TFR2: variants seen among roughly 807,000 people sequenced by gnomAD.
TFR2 encodes transferrin receptor protein 2.
A neutral mutation model predicts 91.9 loss-of-function variants in TFR2; 64 were observed. The observed-to-expected ratio is 0.70, with a 90% CI of 0.57 to 0.86. The LOEUF is 0.86. Ranked by LOEUF, TFR2 falls within the 40% of genes least tolerant of loss-of-function variation. TFR2 has a pLI of 0.00. For missense variants in TFR2, 950 were observed against 1,080.5 expected, an observed-to-expected ratio of 0.88 and a Z score of 1.69; for synonymous variants, 454 against 459.6, an observed-to-expected ratio of 0.99 and a Z score of 0.15.
intron 3 of TFR2, 63 bp downstream of exon 3, chr7:100,640,623 G>T: frequency 6.4e-7 from 1 of 1,574,288 alleles, no homozygotes; most frequent in Non-Finnish European, 8.6e-7. Flanking sequence ...AGGCAGGGAG[G>T]CCCAGTCTGA....
In TFR2 at chr7:100,621,138, G is replaced by C. The variant is rs571430574; in HGVS notation, c.2137-12C>G. 5 of 1,503,846 alleles carry C rather than the reference G, an allele frequency of 3.3e-6. No homozygotes were observed. In the South Asian group the frequency reaches 5.2e-5, roughly 16 times the overall value. 93.2% of individuals were successfully genotyped at this position (1,503,846 alleles called of 1,614,324 possible). On this transcript the variant is annotated splice_polypyrimidine_tract_variant and intron_variant, in intron 17 of 17. Coordinates refer to ENST00000223051, the MANE Select transcript of TFR2 (RefSeq NM_003227.4). ...AAGTAGAACTCCACCTGCGCAGAGA[G>C]GGGGATCAGGTCAGGGTTGGGGGCT... is the stretch of plus-strand genomic sequence containing the variant.
chr7:100,634,546 A>G (rs889556128), intron 3 of TFR2, among the ~76,000 whole-genome samples: 3 of 152,146 alleles, frequency 2.0e-5, no homozygotes, highest in African/African-American at 4.8e-5. Flanking sequence ...CCCGCCCCAT[A>G]TGTGTATTTA....
intron 17 of TFR2, among the ~76,000 whole-genome samples, chr7:100,623,332 T>G (rs1245651085): frequency 2.0e-5 from 3 of 152,184 alleles, no homozygotes; most frequent in Non-Finnish European, 4.4e-5. Context: ...CTAAGACAAC[T>G]ATTATTATTA....
chr7:100,627,520 G>C, intron 15 of TFR2, 29 bp from the exon 16 acceptor site: 2 of 1,613,844 alleles, frequency 1.2e-6, no homozygotes, highest in Non-Finnish European at 1.7e-6. Context: ...CGCTGGGGCG[G>C]AGGCAGACAG....
chr7:100,641,497 A>G lies in TFR2; in HGVS notation c.13T>C (p.Trp5Arg). MERL[W>R]GLFQRAQQLS... ...CTTACCGCTCTCTGGAATAGACCCCAAAGCCGCTCCATGCTTGTGTCCCCT... is the reference window on the plus strand; with the variant it reads ...CTTACCGCTCTCTGGAATAGACCCCGAAGCCGCTCCATGCTTGTGTCCCCT... Residue 5 changes from tryptophan (W) to arginine (R), a missense_variant, in exon 1 of 18, where the codon TGG becomes CGG. Physicochemically the swap from Trp to Arg is moderately radical, Grantham distance 101. Coordinates refer to ENST00000223051, the MANE Select transcript of TFR2 (RefSeq NM_003227.4). The G allele has an allele frequency of 6.2e-7, 1 of 1,613,880 alleles. No individual in the cohort carries two copies. Among genetic ancestry groups the G allele is most frequent in the Non-Finnish European group, 8.5e-7 (1 of 1,179,902 alleles).
Position 100,631,434 on chromosome 7 carries a change from C to G in TFR2, c.1106+372G>C. 3 of 235,862 alleles carry G rather than the reference C, an allele frequency of 1.3e-5. No homozygotes were observed. The South Asian group carries it at 1.4e-4, about 11-fold the overall frequency. The allele number at this position is 235,862 out of a possible 1,614,324, so 14.6% of individuals were successfully genotyped here. A position where few individuals can be genotyped will look rare whatever the true frequency, so the allele number is the denominator to read the frequency against. Reference sequence around the variant, plus strand: ...ACTAGGTCAGGAGTTCGAGACCAGTCTGGCCAACATGGTGAAACCCTCTAC... The same window carrying G: ...ACTAGGTCAGGAGTTCGAGACCAGTGTGGCCAACATGGTGAAACCCTCTAC... On this transcript the variant is annotated intron_variant, in intron 8 of 17. Coordinates refer to ENST00000223051, the MANE Select transcript of TFR2 (RefSeq NM_003227.4).
intron 17 of TFR2, among the ~76,000 whole-genome samples, chr7:100,621,599 G>A (rs930712223): frequency 8.5e-5 from 13 of 152,052 alleles, no homozygotes; most frequent in Non-Finnish European, 1.5e-4. Flanking sequence ...TAGTTCTCCC[G>A]AGTCTTCCTT....
At chr7:100,638,916 A>C (rs1342843354) in intron 3 of TFR2, among the ~76,000 whole-genome samples, 1 of 152,088 alleles carries the variant, frequency 6.6e-6, no homozygotes, top group Admixed American at 6.6e-5. Context: ...TCTCAAAAAA[A>C]TAAAGCCCTG....
intron 3 of TFR2, among the ~76,000 whole-genome samples, chr7:100,636,748 TC>T (rs1275253810): frequency 2.6e-5 from 4 of 151,044 alleles, no homozygotes; most frequent in Non-Finnish European, 5.9e-5. Context: ...ATGTATCATC[TC>T]CCCCCACTTT....
rs751562784 is a variant in TFR2, at chr7:100,629,344, C to T, written c.1299G>A (p.Arg433=). ...PDHYVVIGAQ[R]DAWGPGAAKS... ...TAGCTGCTCCTGGGCCCCATGCATC[C>T]CTCTGGGCCCCGATGACAACGTAGT... The change falls in exon 10 of 18, where the codon AGG becomes AGA. Residue 433 remains arginine (R), a synonymous_variant. Transcript: ENST00000223051. 1.2e-6 allele frequency: 2 copies of T among 1,614,098 alleles called. No individual in the cohort carries two copies. The highest frequency in any genetic ancestry group is 1.1e-5 in the South Asian group (1 of 91,076).
chr7:100,627,408 G>A lies in TFR2; in HGVS notation c.1851C>T (p.Ala617=), dbSNP rs2075674. Residue 617 remains alanine (A), a synonymous_variant, in exon 16 of 18, where the codon GCC becomes GCT. Transcript: ENST00000223051. The part of the protein sequence containing the change: ...LHKVLQGRLP[A]VAQAVAQLAG... ...CGAGCTGGGCCACGGCCTGGGCCAC[G>A]GCGGGCAGGCGGCCTTGCAGCACCT... 0.19 allele frequency: 294,575 copies of A among 1,568,136 alleles called. 29,033 individuals carry two copies. The highest frequency in any genetic ancestry group is 0.2 in the Non-Finnish European group (233,100 of 1,156,440).
Position 100,627,364 on chromosome 7 carries a change from C to G in TFR2, c.1895G>C (p.Arg632Pro), listed in dbSNP as rs751548369. ...GGGCAGCAGGCGATCGTGGCTGAGC[C>G]GGATGAGGAGCTGCCCTGCGAGCTG... Reference protein sequence around the residue: ...VAQLAGQLLIRLSHDRLLPLD... With the variant: ...VAQLAGQLLIPLSHDRLLPLD... Residue 632 changes from arginine to proline, a missense_variant, in exon 16 of 18, where the codon CGG (arginine) becomes CCG (proline). Coordinates refer to ENST00000223051, the MANE Select transcript of TFR2 (RefSeq NM_003227.4). The G allele has an allele frequency of 1.3e-5, 20 of 1,553,294 alleles. No individual in the cohort carries two copies. In the South Asian group the frequency reaches 1.7e-4, roughly 13 times the overall value.
chr7:100,623,776 G>A (rs542964370), intron 17 of TFR2, among the ~76,000 whole-genome samples: 2 of 150,304 alleles, frequency 1.3e-5, no homozygotes, highest in Non-Finnish European at 2.9e-5. Flanking sequence ...CCAGCCGGGC[G>A]CAGTAGCTCA....
intron 17 of TFR2, among the ~76,000 whole-genome samples, chr7:100,623,417 C>A (rs1803162587): frequency 6.6e-6 from 1 of 152,196 alleles, no homozygotes; most frequent in South Asian, 2.1e-4. Flanking sequence ...CAGTCCCCAC[C>A]TATGAGCATT....
chr7:100,632,909 T>C (rs1011594031), intron 6 of TFR2, 92 bp downstream of exon 6: 2 of 1,604,166 alleles, frequency 1.2e-6, no homozygotes, highest in East Asian at 2.2e-5. Flanking sequence ...TTCTTTCCTG[T>C]CTCCCTCTCA....
intron 8 of TFR2, among the ~76,000 whole-genome samples, chr7:100,631,271 C>CCTA (rs1562840925): frequency 1.3e-5 from 2 of 149,762 alleles, no homozygotes; most frequent in Non-Finnish European, 3.0e-5. Flanking sequence ...GACAGTAGAC[C>CCTA]CTGGAGAAAG....
intron 17 of TFR2, among the ~76,000 whole-genome samples, chr7:100,621,498 C>T (rs1022686708): frequency 6.6e-6 from 1 of 152,224 alleles, no homozygotes; most frequent in Non-Finnish European, 1.5e-5. Context: ...AAGTGATCCG[C>T]CCGCCTTGGC....
rs141061160 is a variant in TFR2, at chr7:100,620,946, G to A, written c.2317C>T (p.Arg773Trp). The change falls in exon 18 of 18, where the codon CGG becomes TGG. Residue 773 changes from arginine (R) to tryptophan (W), a missense_variant. Physicochemically the swap from Arg to Trp is moderately radical, Grantham distance 101 (BLOSUM62 -3). Transcript: ENST00000223051. Reference protein sequence around the residue: ...SSTGFQESRFRRQLALLTWTL... With the variant: ...SSTGFQESRFWRQLALLTWTL... ...CAGGTGAGCAGGGCTAGCTGACGCC[G>A]GAAACGGCTCTCCTGGAAGCCAGTG... 3.3e-5 allele frequency: 53 copies of A among 1,613,758 alleles called. No individual in the cohort carries two copies. Among genetic ancestry groups the A allele is most frequent in the Non-Finnish European group, 3.9e-5 (46 of 1,179,916 alleles).
chr7:100,638,141 C>A (rs1209403562), intron 3 of TFR2, among the ~76,000 whole-genome samples: 1 of 151,984 alleles, frequency 6.6e-6, no homozygotes. Flanking sequence ...GTAGCTGGGA[C>A]TATAGGTGCC....
Sources: gnomAD v4.1 joint callset for allele counts (sites outside exome capture counted in the v4.1 genomes callset) on GRCh38, gnomAD v4.1.1 for gene constraint, MANE v1.5 for transcripts, NCBI Gene and HGNC (gene_info 2026-07-23, HGNC 2026-07-21) for gene names.